SPOP: variants seen among roughly 807,000 people sequenced by gnomAD.
The protein encoded by SPOP is speckle-type POZ protein.
In SPOP, 11 loss-of-function variants were observed where a neutral mutation model predicts 45.6. The observed-to-expected ratio is 0.24, with a 90% CI of 0.15 to 0.40. The LOEUF is 0.40. SPOP is among the 10% of genes least tolerant of loss of function. SPOP has a pLI of 1.00. For synonymous variants in SPOP, 166 were observed against 166.3 expected (o/e 1.00, Z 0.01); for missense variants, 152 against 465.6 (o/e 0.33, Z 6.20).
chr17:49,622,092 ATT>A, intron 2 of SPOP, 25 bp from the exon 3 acceptor site: 1 of 1,610,200 alleles, frequency 6.2e-7, no homozygotes, highest in Non-Finnish European at 8.5e-7. Context: ...ACAGGAAGCA[ATT>A]AAATAGGAAG....
At chr17:49,648,267 C>T (rs2072790516) in intron 1 of SPOP, among the ~76,000 whole-genome samples, 1 of 152,198 alleles carries the variant, frequency 6.6e-6, no homozygotes, top group Admixed American at 6.5e-5. Flanking sequence ...GATATTGCTC[C>T]TTCACTTAAC....
At chr17:49,667,178 TAAA>T (rs36082208) in intron 1 of SPOP, among the ~76,000 whole-genome samples, 1 of 103,604 alleles carries the variant, frequency 9.7e-6, no homozygotes, top group Non-Finnish European at 1.9e-5. Flanking sequence ...AACGCTGTCT[TAAA>T]AAAAAAAAAA....
chr17:49,657,524 G>A (rs1286206297), intron 1 of SPOP, among the ~76,000 whole-genome samples: 3 of 150,264 alleles, frequency 2.0e-5, no homozygotes, highest in African/African-American at 4.9e-5. Context: ...TCGGCCTCTC[G>A]AGTAGCTGGG....
chr17:49,634,354 T>A (rs2072505220), intron 1 of SPOP, among the ~76,000 whole-genome samples: 1 of 152,200 alleles, frequency 6.6e-6, no homozygotes, highest in Non-Finnish European at 1.5e-5. Flanking sequence ...TTATAAAAGA[T>A]GCCTCCTCTA....
At chr17:49,650,731 A>G (rs2072832427) in intron 1 of SPOP, among the ~76,000 whole-genome samples, 1 of 152,222 alleles carries the variant, frequency 6.6e-6, no homozygotes. Flanking sequence ...GCTAATACTA[A>G]ATTTTTCCAG....
At chr17:49,670,854 G>T (rs2073126981) in intron 1 of SPOP, among the ~76,000 whole-genome samples, 2 of 152,010 alleles carry the variant, frequency 1.3e-5, no homozygotes, top group South Asian at 4.2e-4. Context: ...TCTTTATGAT[G>T]AAAATCTAGT....
chr17:49,616,478 A>T (rs1249022319), intron 5 of SPOP, among the ~76,000 whole-genome samples: 2 of 152,244 alleles, frequency 1.3e-5, no homozygotes, highest in Non-Finnish European at 2.9e-5. Flanking sequence ...AACAAAATGT[A>T]AATATGAATT....
At chr17:49,677,694 G>A (rs556949003) in intron 1 of SPOP, among the ~76,000 whole-genome samples, 1 of 152,170 alleles carries the variant, frequency 6.6e-6, no homozygotes, top group East Asian at 1.9e-4. Flanking sequence ...TGATGGGGGG[G>A]CTGAAGGCAG....
chr17:49,636,136 T>C (rs2072539060), intron 1 of SPOP: 1 of 152,230 alleles, frequency 6.6e-6, no homozygotes, highest in African/African-American at 2.4e-5. Flanking sequence ...TAGTTGGAAC[T>C]GCAGGCATGT....
chr17:49,609,600 G>A (rs931848837), intron 6 of SPOP, among the ~76,000 whole-genome samples: 3 of 152,180 alleles, frequency 2.0e-5, no homozygotes, highest in Non-Finnish European at 2.9e-5. Flanking sequence ...AGAGAATCAG[G>A]AGAGAGGAGT....
intron 2 of SPOP, 190 bp from the exon 3 acceptor site, chr17:49,622,257 T>C (rs1224302977): frequency 4.1e-6 from 3 of 726,780 alleles, no homozygotes; most frequent in Non-Finnish European, 7.1e-6. Flanking sequence ...CAATAGCTTT[T>C]ATAACTTTTT....
intron 1 of SPOP, among the ~76,000 whole-genome samples, chr17:49,652,870 T>G (rs1908014170): frequency 6.6e-6 from 1 of 152,222 alleles, no homozygotes; most frequent in Non-Finnish European, 1.5e-5. Context: ...GAGTTAAAAC[T>G]ACCACTTTAT....
chr17:49,625,012 C>T lies in SPOP; in HGVS notation c.-66-2136G>A, dbSNP rs571938571. Among the ~76,000 whole-genome samples, 3 of 152,236 alleles carry T rather than the reference C, an allele frequency of 2.0e-5. No individual in the cohort carries two copies. In the South Asian group the frequency reaches 6.2e-4, roughly 32 times the overall value. ...CAATACATGTGCTAGAGCTGTGATT[C>T]TGAAGTGTAGAGTGCACCACAATCT... is the stretch of plus-strand genomic sequence containing the variant. On this transcript the variant is annotated intron_variant, in intron 1 of 9. Coordinates refer to ENST00000504102, the MANE Select transcript of SPOP (RefSeq NM_001007228.2).
At chr17:49,609,255 C>A (rs1053940952) in intron 6 of SPOP, among the ~76,000 whole-genome samples, 2 of 152,156 alleles carry the variant, frequency 1.3e-5, no homozygotes, top group African/African-American at 4.8e-5. Context: ...AATCACTTAA[C>A]CCTCTGAACT....
intron 1 of SPOP, among the ~76,000 whole-genome samples, chr17:49,630,636 T>C (rs1040707876): frequency 6.6e-6 from 1 of 152,184 alleles, no homozygotes; most frequent in Non-Finnish European, 1.5e-5. Flanking sequence ...AAAATTTGTA[T>C]AGACAGAGTC....
intron 1 of SPOP, among the ~76,000 whole-genome samples, chr17:49,627,989 A>G (rs2072372054): frequency 6.6e-6 from 1 of 152,198 alleles, no homozygotes; most frequent in African/African-American, 2.4e-5. Context: ...GTTCATCAGC[A>G]AAGTAGCCTA....
chr17:49,638,211 T>C (rs2072578569), intron 1 of SPOP, among the ~76,000 whole-genome samples: 1 of 152,232 alleles, frequency 6.6e-6, no homozygotes, highest in Non-Finnish European at 1.5e-5. Flanking sequence ...TCTAGGAGTC[T>C]AACATAGGCA....
At chr17:49,651,737 G>C (rs1282545746) in intron 1 of SPOP, among the ~76,000 whole-genome samples, 2 of 152,136 alleles carry the variant, frequency 1.3e-5, no homozygotes, top group African/African-American at 4.8e-5. Context: ...TGGAAGAATA[G>C]GCCCAACACG....
At chr17:49,631,583 G>A (rs1228887687) in intron 1 of SPOP, among the ~76,000 whole-genome samples, 2 of 152,150 alleles carry the variant, frequency 1.3e-5, no homozygotes, top group East Asian at 1.9e-4. Flanking sequence ...CCACATGAGA[G>A]ACAAGAAAGG....
Sources: allele counts gnomAD v4.1 joint callset (sites outside exome capture counted in the v4.1 genomes callset), GRCh38; gene constraint gnomAD v4.1.1; transcripts MANE v1.5; gene names NCBI Gene and HGNC (gene_info 2026-07-23, HGNC 2026-07-21).